The following SLC7A2 variants were observed in gnomAD, a reference collection of about 807,000 sequenced individuals.
SLC7A2 encodes cationic amino acid transporter 2.
In SLC7A2, 48 loss-of-function variants were observed where a neutral mutation model predicts 58.9. The ratio of observed to expected loss-of-function variants is 0.82; its 90% CI spans 0.65 to 1.04. SLC7A2 has a LOEUF of 1.04. Ranked by LOEUF, SLC7A2 falls within the 50% of genes least tolerant of loss-of-function variation. The probability of loss-of-function intolerance (pLI) is 0.00; values close to 1 mark genes in which losing one functional copy is unlikely to be tolerated. For missense variants in SLC7A2, 1,029 were observed against 818.8 expected (o/e 1.26, Z -3.13); for synonymous variants, 363 against 314.5 (o/e 1.15, Z -1.63).
intron 3 of SLC7A2, 99 bp from the exon 4 acceptor site, chr8:17,544,352 A>T: frequency 9.8e-7 from 1 of 1,016,312 alleles, no homozygotes; most frequent in South Asian, 1.7e-5. Context: ...AAAATTTTCA[A>T]TCTTTTGTGA....
At chr8:17,515,351 A>G (rs1800764157) in intron 2 of SLC7A2, among the ~76,000 whole-genome samples, 1 of 148,634 alleles carries the variant, frequency 6.7e-6, no homozygotes, top group South Asian at 2.1e-4. Context: ...ACTGGAGTGC[A>G]GTGTCGCAAT....
intron 2 of SLC7A2, among the ~76,000 whole-genome samples, chr8:17,533,289 ACG>A (rs1233710047): frequency 1.3e-5 from 2 of 152,208 alleles, no homozygotes; most frequent in African/African-American, 4.8e-5. Flanking sequence ...CCAAATCAGA[ACG>A]TGTTTTTCAG....
upstream of SLC7A2, among the ~76,000 whole-genome samples, chr8:17,495,501 G>C (rs1018499995): frequency 6.6e-6 from 1 of 152,158 alleles, no homozygotes; most frequent in African/African-American, 2.4e-5. Context: ...TGGTCTATCA[G>C]ATAATATCTT....
chr8:17,556,358 A>C (rs907278901), intron 8 of SLC7A2, among the ~76,000 whole-genome samples: 1 of 152,206 alleles, frequency 6.6e-6, no homozygotes, highest in Non-Finnish European at 1.5e-5. Context: ...TTCAGGAAGA[A>C]TTTAATTTGG....
intron 11 of SLC7A2, among the ~76,000 whole-genome samples, chr8:17,563,025 C>G (rs1333140293): frequency 6.6e-6 from 1 of 152,160 alleles, no homozygotes; most frequent in African/African-American, 2.4e-5. Context: ...TTCCTGTAGT[C>G]CTAGCTAGTC....
chr8:17,555,563 A>C (rs959215440), intron 8 of SLC7A2, among the ~76,000 whole-genome samples: 1 of 152,216 alleles, frequency 6.6e-6, no homozygotes. Flanking sequence ...ATTATTAATA[A>C]GAAATATTCA....
chr8:17,560,621 A>G, intron 10 of SLC7A2, 88 bp downstream of exon 10: 1 of 1,127,964 alleles, frequency 8.9e-7, no homozygotes. Flanking sequence ...AAGAGGGCCT[A>G]ACATTGCCCT....
intron 2 of SLC7A2, among the ~76,000 whole-genome samples, chr8:17,509,553 G>A (rs551988470): frequency 8.5e-5 from 13 of 152,140 alleles, no homozygotes; most frequent in African/African-American, 2.2e-4. Flanking sequence ...TAATCCACCC[G>A]CCTTGGCCTC....
chr8:17,531,420 C>G (rs1389919008), intron 2 of SLC7A2, among the ~76,000 whole-genome samples: 2 of 152,020 alleles, frequency 1.3e-5, no homozygotes, highest in Admixed American at 6.5e-5. Context: ...TTGAGAAACT[C>G]CATGAGTAGT....
rs1351481678 is a variant in SLC7A2 at position 17,570,438 on chromosome 8, G to A, written c.*5292G>A. The A allele has an allele frequency of 1.3e-5, 2 of 152,542 alleles. No homozygotes were observed. Among genetic ancestry groups the A allele is most frequent in the Admixed American group, 1.3e-4 (2 of 15,268 alleles). The allele number at this position is 152,542 out of a possible 1,614,324, so 9.4% of individuals were successfully genotyped here. A position where few individuals can be genotyped will look rare whatever the true frequency, so the allele number is the denominator to read the frequency against. Reference sequence around the variant, plus strand: ...ATTTAAATGTTTTAAGTGATCATCAGTGTTCCTTTTTACTTATAAAGTTGG... The same window carrying A: ...ATTTAAATGTTTTAAGTGATCATCAATGTTCCTTTTTACTTATAAAGTTGG... On this transcript the variant is annotated 3_prime_UTR_variant, in exon 13 of 13. Transcript: ENST00000494857.
intron 1 of SLC7A2, among the ~76,000 whole-genome samples, chr8:17,501,076 C>T (rs531073450): frequency 2.6e-5 from 4 of 151,454 alleles, no homozygotes; most frequent in African/African-American, 4.9e-5. Flanking sequence ...TGCAGTGGTG[C>T]GACCTTGGCT....
At chr8:17,531,697 CT>C (rs1801456901) in intron 2 of SLC7A2, among the ~76,000 whole-genome samples, 1 of 151,810 alleles carries the variant, frequency 6.6e-6, no homozygotes, top group Non-Finnish European at 1.5e-5. Context: ...CTGATTAAGA[CT>C]TTATAGACTA....
intron 11 of SLC7A2, among the ~76,000 whole-genome samples, chr8:17,563,380 A>G (rs1437041566): frequency 6.6e-6 from 1 of 152,100 alleles, no homozygotes; most frequent in Non-Finnish European, 1.5e-5. Context: ...TATTATTTTG[A>G]TTGTGCAGGT....
At chr8:17,526,485 A>AACCTCACTG (rs1801227646) in intron 2 of SLC7A2, among the ~76,000 whole-genome samples, 1 of 151,322 alleles carries the variant, frequency 6.6e-6, no homozygotes, top group East Asian at 1.9e-4. Flanking sequence ...GGTGAGAGAG[A>AACCTCACTG]ACCTCACTGT....
chr8:17,506,963 T>C (rs1426584842), intron 2 of SLC7A2, among the ~76,000 whole-genome samples: 1 of 151,408 alleles, frequency 6.6e-6, no homozygotes, highest in Admixed American at 6.6e-5. Flanking sequence ...TTTTTTTTTT[T>C]GAGGCAGACT....
chr8:17,529,672 T>C (rs1021408662), intron 2 of SLC7A2, among the ~76,000 whole-genome samples: 1 of 151,906 alleles, frequency 6.6e-6, no homozygotes, highest in African/African-American at 2.4e-5. Context: ...TTAGCTGGGA[T>C]TATATGTGTC....
At chr8:17,529,689 C>A (rs1372022397) in intron 2 of SLC7A2, among the ~76,000 whole-genome samples, 2 of 151,992 alleles carry the variant, frequency 1.3e-5, no homozygotes, top group Admixed American at 6.6e-5. Flanking sequence ...TGTCCACCAC[C>A]ATGCCCAGCT....
intron 10 of SLC7A2, among the ~76,000 whole-genome samples, chr8:17,560,843 G>A (rs1802943478): frequency 6.6e-6 from 1 of 152,178 alleles, no homozygotes; most frequent in Admixed American, 6.5e-5. Flanking sequence ...ACGTACCCCT[G>A]CCAATAACCT....
chr8:17,565,350 C>A lies in SLC7A2; in HGVS notation c.*204C>A. 1.1e-5 allele frequency: 6 copies of A among 550,342 alleles called. No homozygotes were observed. In the South Asian group the frequency reaches 1.4e-4, roughly 13 times the overall value. 34.1% of individuals were successfully genotyped at this position (550,342 alleles called of 1,614,324 possible). A position where few individuals can be genotyped will look rare whatever the true frequency, so the allele number is the denominator to read the frequency against. On this transcript the variant is annotated 3_prime_UTR_variant, in exon 13 of 13. Transcript: ENST00000494857. ...AAACCTCCTGAGTGGAAGTTTCATTCATCAGTGATGAATAGCCCCCAAACA... is the reference window on the plus strand; with the variant it reads ...AAACCTCCTGAGTGGAAGTTTCATTAATCAGTGATGAATAGCCCCCAAACA...
Sources: gnomAD v4.1 joint callset for allele counts (sites outside exome capture counted in the v4.1 genomes callset) on GRCh38, gnomAD v4.1.1 for gene constraint, MANE v1.5 for transcripts, NCBI Gene and HGNC (gene_info 2026-07-23, HGNC 2026-07-21) for gene names.